MDGA2: variants seen among roughly 807,000 people sequenced by gnomAD.
MDGA2 encodes MAM domain-containing glycosylphosphatidylinositol anchor protein 2.
In MDGA2, 40 loss-of-function variants were observed where a neutral mutation model predicts 117.8. The observed-to-expected ratio is 0.34, with a 90% CI of 0.26 to 0.44. The LOEUF is 0.44. Ranked by LOEUF, MDGA2 falls within the 20% of genes least tolerant of loss-of-function variation. MDGA2 has a pLI of 1.00. For missense variants in MDGA2, 1,123 were observed against 1,250.6 expected (o/e 0.90, Z 1.54); for synonymous variants, 452 against 439.0 (o/e 1.03, Z -0.37).
chr14:47,228,223 G>A (rs1886573808), intron 2 of MDGA2, among the ~76,000 whole-genome samples: 1 of 152,124 alleles, frequency 6.6e-6, no homozygotes, highest in Non-Finnish European at 1.5e-5. Context: ...AACTTGAAAA[G>A]TAGTAAAATA....
intron 1 of MDGA2, among the ~76,000 whole-genome samples, chr14:47,394,424 T>A (rs1891963142): frequency 6.6e-6 from 1 of 152,124 alleles, no homozygotes; most frequent in African/African-American, 2.4e-5. Flanking sequence ...TAAGAAACCA[T>A]CTTAAACTTA....
At chr14:47,596,202 A>G (rs1896539303) in intron 1 of MDGA2, among the ~76,000 whole-genome samples, 1 of 152,232 alleles carries the variant, frequency 6.6e-6, no homozygotes, top group African/African-American at 2.4e-5. Flanking sequence ...CATGCTAATT[A>G]TATCTAAATG....
intron 3 of MDGA2, among the ~76,000 whole-genome samples, chr14:47,175,596 A>C (rs1464486449): frequency 6.6e-6 from 1 of 152,058 alleles, no homozygotes; most frequent in Non-Finnish European, 1.5e-5. Context: ...ACAAAATTCA[A>C]CTACCCTTCA....
At chr14:46,891,310 C>A (rs575178006) in intron 10 of MDGA2, among the ~76,000 whole-genome samples, 1 of 151,200 alleles carries the variant, frequency 6.6e-6, no homozygotes, top group South Asian at 2.1e-4. Context: ...TATAATAATT[C>A]TAGAAAAAAT....
At chr14:46,864,890 T>C (rs1881683548) in intron 14 of MDGA2, among the ~76,000 whole-genome samples, 1 of 152,014 alleles carries the variant, frequency 6.6e-6, no homozygotes, top group African/African-American at 2.4e-5. Flanking sequence ...TGAGAATTTA[T>C]CAGAATGCAA....
At chr14:47,415,273 T>A (rs762611761) in intron 1 of MDGA2, among the ~76,000 whole-genome samples, 1 of 152,156 alleles carries the variant, frequency 6.6e-6, no homozygotes, top group African/African-American at 2.4e-5. Context: ...TGCCTCATAG[T>A]CTCAGACAAT....
chr14:47,411,804 C>T (rs1330183896), intron 1 of MDGA2, among the ~76,000 whole-genome samples: 2 of 152,174 alleles, frequency 1.3e-5, no homozygotes, highest in Admixed American at 1.3e-4. Flanking sequence ...CATCAGGCAT[C>T]CGTTCCTATA....
intron 1 of MDGA2, among the ~76,000 whole-genome samples, chr14:47,477,778 T>C (rs1893873535): frequency 6.6e-6 from 1 of 152,210 alleles, no homozygotes; most frequent in Non-Finnish European, 1.5e-5. Flanking sequence ...AGAAGGATAT[T>C]GCCTAGCTTT....
At chr14:47,551,855 T>G (rs780407472) in intron 1 of MDGA2, among the ~76,000 whole-genome samples, 8 of 152,130 alleles carry the variant, frequency 5.3e-5, no homozygotes, top group Non-Finnish European at 7.4e-5. Flanking sequence ...CCGGTAGATC[T>G]TATCTTTATT....
chr14:47,212,517 T>C (rs1885922498), intron 3 of MDGA2, among the ~76,000 whole-genome samples: 1 of 152,170 alleles, frequency 6.6e-6, no homozygotes, highest in African/African-American at 2.4e-5. Flanking sequence ...GAGGCAACCT[T>C]TTCTAATGCA....
At chr14:47,223,202 T>C (rs1886362452) in intron 2 of MDGA2, among the ~76,000 whole-genome samples, 1 of 152,080 alleles carries the variant, frequency 6.6e-6, no homozygotes, top group Non-Finnish European at 1.5e-5. Flanking sequence ...TCCTAGAACA[T>C]GTGGGAATTC....
At chr14:47,305,015 A>G (rs555512653) in intron 1 of MDGA2, among the ~76,000 whole-genome samples, 1 of 152,266 alleles carries the variant, frequency 6.6e-6, no homozygotes, top group Admixed American at 6.5e-5. Context: ...ACACGATAGT[A>G]AGCATCTCAG....
At chr14:46,863,537 A>G (rs989295212) in intron 14 of MDGA2, among the ~76,000 whole-genome samples, 10 of 152,188 alleles carry the variant, frequency 6.6e-5, no homozygotes, top group Admixed American at 5.9e-4. Context: ...AATTAGTTTT[A>G]AAGTTTGGTA....
At chr14:47,399,803 A>T (rs189850319) in intron 1 of MDGA2, among the ~76,000 whole-genome samples, 5 of 152,286 alleles carry the variant, frequency 3.3e-5, no homozygotes, top group African/African-American at 1.2e-4. Flanking sequence ...TAATTATCAA[A>T]TTTAGGATAT....
chr14:47,563,925 C>T (rs1471143620), intron 1 of MDGA2, among the ~76,000 whole-genome samples: 5 of 152,142 alleles, frequency 3.3e-5, no homozygotes, highest in Admixed American at 2.6e-4. Context: ...GCACTCCCCT[C>T]AGGATCTCTT....
chr14:47,188,798 G>A (rs1439177987), intron 3 of MDGA2, among the ~76,000 whole-genome samples: 1 of 152,114 alleles, frequency 6.6e-6, no homozygotes, highest in East Asian at 1.9e-4. Context: ...TAGCACGTCA[G>A]AGCAAAGAGA....
At chr14:47,460,621 T>A (rs1893463069) in intron 1 of MDGA2, among the ~76,000 whole-genome samples, 1 of 152,294 alleles carries the variant, frequency 6.6e-6, no homozygotes, top group East Asian at 1.9e-4. Flanking sequence ...TATAATTTTA[T>A]ACAGTAATAT....
chr14:46,895,957 A>T (rs2933206), intron 10 of MDGA2, among the ~76,000 whole-genome samples: 93,392 of 151,934 alleles, frequency 0.61, 29,913 homozygotes, highest in Admixed American at 0.73. Flanking sequence ...ATTGCTACTA[A>T]AGTTCAATCT....
chr14:46,892,065 TA>T (rs575458290), intron 10 of MDGA2, among the ~76,000 whole-genome samples: 2 of 151,958 alleles, frequency 1.3e-5, no homozygotes, highest in South Asian at 4.2e-4. Context: ...GTGACAACTT[TA>T]TTAAAAATGT....
Sources: allele counts gnomAD v4.1 joint callset (sites outside exome capture counted in the v4.1 genomes callset), GRCh38; gene constraint gnomAD v4.1.1; transcripts MANE v1.5; gene names NCBI Gene and HGNC (gene_info 2026-07-23, HGNC 2026-07-21).